The following NUMB variants were observed in gnomAD, a reference collection of about 807,000 sequenced individuals.
NUMB encodes protein numb homolog.
NUMB carries 29 observed loss-of-function variants against 59.7 expected under a neutral mutation model. That is an observed-to-expected ratio of 0.49 (90% CI 0.36 to 0.66). The LOEUF is 0.66. Ranked by LOEUF, NUMB falls within the 30% of genes least tolerant of loss-of-function variation. The pLI is 0.00. For synonymous variants in NUMB, 288 were observed against 288.2 expected, an observed-to-expected ratio of 1.00 and a Z score of 0.01; for missense variants, 723 against 822.0, an observed-to-expected ratio of 0.88 and a Z score of 1.47.
chr14:73,286,914 G>A, intron 9 of NUMB, 196 bp downstream of exon 9: 1 of 598,770 alleles, frequency 1.7e-6, no homozygotes, highest in Non-Finnish European at 3.0e-6. Context: ...TTACTATAAT[G>A]GAGTAAATAT....
chr14:73,443,335 C>G (rs1305414828), intron 1 of NUMB, among the ~76,000 whole-genome samples: 2 of 152,162 alleles, frequency 1.3e-5, no homozygotes, highest in East Asian at 3.8e-4. Flanking sequence ...GTGGCTCACG[C>G]CTGTAATCCC....
intron 2 of NUMB, among the ~76,000 whole-genome samples, chr14:73,389,206 G>T (rs1163288891): frequency 6.9e-6 from 1 of 144,584 alleles, no homozygotes; most frequent in Admixed American, 7.1e-5. Context: ...GGGAGTCTGA[G>T]GTTGCAGTGA....
At chr14:73,335,694 C>T (rs549879116) in intron 4 of NUMB, among the ~76,000 whole-genome samples, 1 of 152,058 alleles carries the variant, frequency 6.6e-6, no homozygotes, top group Non-Finnish European at 1.5e-5. Context: ...AAATAGATTC[C>T]CTCCCCCTGC....
Position 73,276,559 on chromosome 14 carries a change from ACATAGC to A in NUMB, c.*13_*18del. 6.3e-7 allele frequency: 1 copy of A among 1,590,370 alleles called. No homozygotes were observed. The highest frequency in any genetic ancestry group is 2.2e-5 in the East Asian group (1 of 44,706). On this transcript the variant is annotated 3_prime_UTR_variant, in exon 13 of 13. Transcript: ENST00000555238. ...GCTCCCTGTCTGGTATGGACAAGAT[ACATAGC>A]CATAATGATTGCTTAAAGTTCAATT...
intron 1 of NUMB, among the ~76,000 whole-genome samples, chr14:73,415,041 A>AC (rs572683706): frequency 6.3e-4 from 96 of 152,340 alleles, no homozygotes; most frequent in Non-Finnish European, 1.2e-3. Flanking sequence ...AAAAATACAC[A>AC]CAAAACACAG....
At chr14:73,327,123 C>A (rs551120931) in intron 4 of NUMB, among the ~76,000 whole-genome samples, 5 of 152,102 alleles carry the variant, frequency 3.3e-5, no homozygotes, top group Non-Finnish European at 7.4e-5. Flanking sequence ...CTGGCAAATT[C>A]TTCCTCTGGC....
At chr14:73,313,417 G>C (rs541279391) in intron 6 of NUMB, among the ~76,000 whole-genome samples, 1 of 151,876 alleles carries the variant, frequency 6.6e-6, no homozygotes, top group Admixed American at 6.6e-5. Flanking sequence ...CACATGGGTG[G>C]CTGAGATAGT....
intron 7 of NUMB, among the ~76,000 whole-genome samples, chr14:73,296,407 C>T (rs1397213437): frequency 6.7e-6 from 1 of 148,872 alleles, no homozygotes; most frequent in East Asian, 2.0e-4. Context: ...TGCCACTGCA[C>T]TCCAGCCTGG....
At chr14:73,336,637 T>A (rs1359787048) in intron 4 of NUMB, among the ~76,000 whole-genome samples, 1 of 152,032 alleles carries the variant, frequency 6.6e-6, no homozygotes, top group Non-Finnish European at 1.5e-5. Context: ...GGCCTAGGAA[T>A]GGAAGTAAAT....
intron 2 of NUMB, among the ~76,000 whole-genome samples, chr14:73,387,956 CAAAAAA>C (rs66701940): frequency 1.6e-4 from 15 of 94,388 alleles, no homozygotes; most frequent in African/African-American, 3.4e-4. Flanking sequence ...CTGTCTCTAC[CAAAAAA>C]AAAAAAAAAA....
At chr14:73,331,401 C>T (rs767386717) in intron 4 of NUMB, among the ~76,000 whole-genome samples, 10 of 152,048 alleles carry the variant, frequency 6.6e-5, no homozygotes, top group Admixed American at 1.3e-4. Context: ...AAAAATTAGC[C>T]GGGCGTGGTG....
At chr14:73,354,457 G>A (rs1395733588) in intron 4 of NUMB, among the ~76,000 whole-genome samples, 1 of 149,270 alleles carries the variant, frequency 6.7e-6, no homozygotes, top group East Asian at 2.0e-4. Flanking sequence ...GTTGCAGTGA[G>A]CCGAGATGGT....
At chr14:73,436,032 A>G (rs149582480) in intron 1 of NUMB, among the ~76,000 whole-genome samples, 1 of 152,206 alleles carries the variant, frequency 6.6e-6, no homozygotes, top group Admixed American at 6.5e-5. Flanking sequence ...AAATGACACA[A>G]ATATCAATAG....
intron 4 of NUMB, among the ~76,000 whole-genome samples, chr14:73,353,349 A>G (rs1893568366): frequency 1.3e-5 from 2 of 150,374 alleles, no homozygotes; most frequent in Non-Finnish European, 3.0e-5. Flanking sequence ...GGCATCCCAA[A>G]GTGCTGGGAT....
intron 9 of NUMB, chr14:73,286,871 C>T: frequency 1.9e-6 from 1 of 518,834 alleles, no homozygotes; most frequent in East Asian, 3.5e-5. Flanking sequence ...GTCTCTGCAG[C>T]TTCTTCAACT....
chr14:73,373,903 T>G (rs544718465), intron 2 of NUMB, among the ~76,000 whole-genome samples: 1 of 152,086 alleles, frequency 6.6e-6, no homozygotes, highest in Non-Finnish European at 1.5e-5. Flanking sequence ...AATTTTGCTC[T>G]TGTTGTCCAG....
chr14:73,356,336 T>G (rs186923694), intron 3 of NUMB, among the ~76,000 whole-genome samples: 1 of 152,274 alleles, frequency 6.6e-6, no homozygotes, highest in African/African-American at 2.4e-5. Context: ...AAGAATAAAA[T>G]AAAGTTTTCT....
intron 6 of NUMB, among the ~76,000 whole-genome samples, chr14:73,306,659 C>T (rs1890449125): frequency 6.6e-6 from 1 of 152,188 alleles, no homozygotes; most frequent in South Asian, 2.1e-4. Context: ...TTAGGCTCAG[C>T]CCTAGGTGTC....
At chr14:73,367,332 T>TAC (rs1894403101) in intron 2 of NUMB, among the ~76,000 whole-genome samples, 5 of 57,632 alleles carry the variant, frequency 8.7e-5, no homozygotes, top group African/African-American at 3.2e-4. Context: ...CATATATACA[T>TAC]ATATATATAT....
Sources: gnomAD v4.1 joint callset for allele counts (sites outside exome capture counted in the v4.1 genomes callset) on GRCh38, gnomAD v4.1.1 for gene constraint, MANE v1.5 for transcripts, NCBI Gene and HGNC (gene_info 2026-07-23, HGNC 2026-07-21) for gene names.